Variants in RARB observed in about 807,000 individuals in gnomAD.
RARB encodes HBV-activated protein.
In RARB, 17 loss-of-function variants were observed where a neutral mutation model predicts 51.9. That is an observed-to-expected ratio of 0.33 (90% CI 0.22 to 0.49). RARB has a LOEUF of 0.49. Ranked by LOEUF, RARB falls within the 20% of genes least tolerant of loss-of-function variation. The probability of loss-of-function intolerance (pLI) is 0.99; values close to 1 mark genes in which losing one functional copy is unlikely to be tolerated. For missense variants in RARB, 369 were observed against 550.8 expected (o/e 0.67, Z 3.30); for synonymous variants, 215 against 195.4 (o/e 1.10, Z -0.84).
chr3:25,459,112 A>AT (rs1475609144), intron 1 of RARB, among the ~76,000 whole-genome samples: 2 of 152,228 alleles, frequency 1.3e-5, no homozygotes, highest in Non-Finnish European at 2.9e-5. Flanking sequence ...AACATCTAAA[A>AT]TTTGAACACT....
Position 25,580,562 on chromosome 3 carries a change from A to G in RARB, c.626A>G (p.His209Arg). The G allele has an allele frequency of 1.9e-6, 3 of 1,597,480 alleles. No individual in the cohort carries two copies. The highest frequency in any genetic ancestry group is 2.2e-5 in the East Asian group (1 of 44,518). The change falls in exon 5 of 8, where the codon CAT (histidine) becomes CGT (arginine). Residue 209 changes from histidine (H) to arginine (R), a missense_variant. By Grantham distance (29) the His-to-Arg change is conservative (BLOSUM62 0). Around this residue, in one of 9 missense-constraint regions of RARB, gnomAD observed 49 missense variants for 103.4 expected, o/e 0.47. Coordinates refer to ENST00000330688, the MANE Select transcript of RARB (RefSeq NM_000965.5). ...CTCTCCTAGAATTCCAGTGCTGACCATCGAGTCCGACTGGACCTGGGCCTC... is the reference window on the plus strand; with the variant it reads ...CTCTCCTAGAATTCCAGTGCTGACCGTCGAGTCCGACTGGACCTGGGCCTC... ...GKYTTNSSAD[H>R]RVRLDLGLWD...
chr3:25,398,125 T>C (rs1374024567), intron 5 of RARB, among the ~76,000 whole-genome samples: 1 of 152,104 alleles, frequency 6.6e-6, no homozygotes, highest in African/African-American at 2.4e-5. Context: ...GGCACTAGTT[T>C]CCACCAAAAT....
intron 5 of RARB, among the ~76,000 whole-genome samples, chr3:25,345,031 C>G (rs1705346929): frequency 6.6e-6 from 1 of 152,148 alleles, no homozygotes; most frequent in Non-Finnish European, 1.5e-5. Flanking sequence ...CAAACAAAGA[C>G]TGTCTTAAAA....
At chr3:25,349,874 G>T (rs1705507546) in intron 5 of RARB, among the ~76,000 whole-genome samples, 1 of 152,036 alleles carries the variant, frequency 6.6e-6, no homozygotes, top group African/African-American at 2.4e-5. Flanking sequence ...TCTGTGTAGG[G>T]TCAGCTAGGG....
At chr3:25,240,252 A>G (rs1002255782) in intron 5 of RARB, among the ~76,000 whole-genome samples, 3 of 152,084 alleles carry the variant, frequency 2.0e-5, no homozygotes, top group Non-Finnish European at 2.9e-5. Flanking sequence ...TTTTCTAGAT[A>G]TAAGATGATG....
intron 2 of RARB, among the ~76,000 whole-genome samples, chr3:24,863,383 C>T (rs185654528): frequency 3.0e-4 from 46 of 152,268 alleles, no homozygotes; most frequent in Non-Finnish European, 5.6e-4. Context: ...AACAGTGATA[C>T]TGTGTGAAGC....
At chr3:25,147,714 A>G (rs921926764) in intron 4 of RARB, among the ~76,000 whole-genome samples, 1 of 152,212 alleles carries the variant, frequency 6.6e-6, no homozygotes. Flanking sequence ...GCATCCTCCC[A>G]TATTACCTTC....
At chr3:25,329,537 A>G (rs931334195) in intron 5 of RARB, among the ~76,000 whole-genome samples, 19 of 152,224 alleles carry the variant, frequency 1.2e-4, no homozygotes, top group African/African-American at 4.3e-4. Flanking sequence ...AAAGGTAGGT[A>G]AAACCACAAA....
At chr3:25,563,590 G>A (rs1426109456) in intron 3 of RARB, among the ~76,000 whole-genome samples, 1 of 152,168 alleles carries the variant, frequency 6.6e-6, no homozygotes, top group Non-Finnish European at 1.5e-5. Context: ...CTTAGGTTGT[G>A]GGAAAAGTAA....
chr3:24,858,977 C>G (rs918650116), intron 2 of RARB, among the ~76,000 whole-genome samples: 3 of 129,726 alleles, frequency 2.3e-5, no homozygotes, highest in African/African-American at 8.9e-5. Flanking sequence ...GTGGAGGTTG[C>G]GGTGAGCTGA....
chr3:25,186,148 G>A (rs1184627965), intron 5 of RARB, among the ~76,000 whole-genome samples: 2 of 151,714 alleles, frequency 1.3e-5, no homozygotes, highest in African/African-American at 2.4e-5. Context: ...CAACCCCAAC[G>A]AAAAATAAAC....
At chr3:25,485,072 A>G (rs1052522555) in intron 2 of RARB, among the ~76,000 whole-genome samples, 25 of 152,378 alleles carry the variant, frequency 1.6e-4, no homozygotes, top group African/African-American at 5.5e-4. Context: ...TGCCTCCAAA[A>G]TAAGGATAAA....
chr3:25,593,541 C>A lies in RARB; in HGVS notation c.825C>A (p.Asp275Glu). ...RICTRYTPEQ[D>E]TMTFSDGLTL... ...GCACCAGGTATACCCCAGAACAAGACACCATGACTTTCTCAGACGGCCTTA... is the reference window on the plus strand; with the variant it reads ...GCACCAGGTATACCCCAGAACAAGAAACCATGACTTTCTCAGACGGCCTTA... Residue 275 changes from aspartate (D) to glutamate (E), a missense_variant, in exon 6 of 8, where the codon GAC becomes GAA. By Grantham distance (45) the Asp-to-Glu change is conservative. Coordinates refer to ENST00000330688, the MANE Select transcript of RARB (RefSeq NM_000965.5). The A allele has an allele frequency of 6.2e-7, 1 of 1,613,984 alleles. No individual in the cohort carries two copies. The highest frequency in any genetic ancestry group is 8.5e-7 in the Non-Finnish European group (1 of 1,179,944).
At position 25,447,948 on chromosome 3, in the gene RARB, A is replaced by G. The variant is rs183666506; in HGVS notation, c.158-13245A>G. On this transcript the variant is annotated intron_variant, in intron 1 of 7. Coordinates refer to ENST00000330688, the MANE Select transcript of RARB (RefSeq NM_000965.5). ...GATTCATCAGCATAAGCATGATACA[A>G]TAATGATAATAATTGCTTGTGTAAC... 1.6e-4 allele frequency among the ~76,000 whole-genome samples: 24 copies of G among 152,294 alleles called. 1 individual carries two copies. Among genetic ancestry groups the G allele is most frequent in the African/African-American group, 5.5e-4 (23 of 41,560 alleles).
At chr3:25,214,794 C>T (rs956478706) in intron 5 of RARB, among the ~76,000 whole-genome samples, 34 of 152,188 alleles carry the variant, frequency 2.2e-4, no homozygotes, top group African/African-American at 8.0e-4. Context: ...CATTGCTGTT[C>T]CCATTTTATG....
At chr3:25,134,718 G>C (rs1231168128) in intron 4 of RARB, among the ~76,000 whole-genome samples, 1 of 151,576 alleles carries the variant, frequency 6.6e-6, no homozygotes, top group Admixed American at 6.6e-5. Context: ...GAATGGATTA[G>C]AATTGAGTGA....
intron 3 of RARB, among the ~76,000 whole-genome samples, chr3:25,511,323 A>AG (rs1370230372): frequency 2.0e-5 from 3 of 151,992 alleles, no homozygotes; most frequent in African/African-American, 7.3e-5. Flanking sequence ...TAGTAGGGAC[A>AG]GGTTTCACCG....
At chr3:25,453,431 G>A (rs1165189427) in intron 1 of RARB, among the ~76,000 whole-genome samples, 1 of 151,970 alleles carries the variant, frequency 6.6e-6, no homozygotes, top group African/African-American at 2.4e-5. Flanking sequence ...ATTTTTAGTA[G>A]AGATGGGGTT....
chr3:24,915,713 T>G (rs5015065), intron 2 of RARB, among the ~76,000 whole-genome samples: 57,531 of 152,024 alleles, frequency 0.38, 11,803 homozygotes, highest in Non-Finnish European at 0.46. Flanking sequence ...TCAACTGATA[T>G]GTGACATGAG....
Sources: allele counts gnomAD v4.1 joint callset (sites outside exome capture counted in the v4.1 genomes callset), GRCh38; gene constraint gnomAD v4.1.1; regional missense constraint gnomAD v4.1.1; transcripts MANE v1.5; gene names NCBI Gene and HGNC (gene_info 2026-07-23, HGNC 2026-07-21).